NRG2: variants seen among roughly 807,000 people sequenced by gnomAD.
NRG2 encodes the protein pro-neuregulin-2, membrane-bound isoform.
NRG2 carries 27 observed loss-of-function variants against 73.9 expected under a neutral mutation model. That is an observed-to-expected ratio of 0.37 (90% CI 0.27 to 0.50). The LOEUF (loss-of-function observed/expected upper bound fraction) is 0.50. Ranked by LOEUF, NRG2 falls within the 20% of genes least tolerant of loss-of-function variation. The pLI is 0.96. For missense variants in NRG2, 1,126 were observed against 1,210.1 expected, an observed-to-expected ratio of 0.93 and a Z score of 1.03; for synonymous variants, 532 against 541.0, an observed-to-expected ratio of 0.98 and a Z score of 0.23.
chr5:140,010,844 T>A (rs190407786), intron 1 of NRG2, among the ~76,000 whole-genome samples: 25 of 152,318 alleles, frequency 1.6e-4, no homozygotes, highest in Admixed American at 5.2e-4. Context: ...ATCGGACACA[T>A]CCGTGCTCCC....
intron 1 of NRG2, among the ~76,000 whole-genome samples, chr5:139,944,294 A>G (rs1014894608): frequency 1.3e-5 from 2 of 152,162 alleles, no homozygotes; most frequent in Admixed American, 1.3e-4. Context: ...GGTTTTTGAA[A>G]CTATATATTA....
At chr5:139,871,989 G>A in intron 3 of NRG2, 148 bp from the exon 4 acceptor site, 1 of 1,140,558 alleles carries the variant, frequency 8.8e-7, no homozygotes, top group Non-Finnish European at 1.2e-6. Flanking sequence ...GTCCCTTCTA[G>A]TCACAAATAA....
intron 1 of NRG2, among the ~76,000 whole-genome samples, chr5:139,930,874 A>G (rs1234618724): frequency 1.3e-5 from 2 of 152,372 alleles, no homozygotes; most frequent in East Asian, 3.9e-4. Context: ...ACCAGACCCC[A>G]TTCAAAGAAT....
intron 1 of NRG2, among the ~76,000 whole-genome samples, chr5:140,026,984 T>C (rs1347268075): frequency 6.6e-6 from 1 of 152,158 alleles, no homozygotes; most frequent in Non-Finnish European, 1.5e-5. Context: ...GTGGGTCTTT[T>C]TTGTTTTTGT....
intron 1 of NRG2, among the ~76,000 whole-genome samples, chr5:139,993,531 C>T (rs944560463): frequency 6.6e-6 from 1 of 152,132 alleles, no homozygotes; most frequent in African/African-American, 2.4e-5. Flanking sequence ...CTTTATGGAC[C>T]ATCCAATCTA....
At chr5:139,963,481 A>G (rs962489004) in intron 1 of NRG2, among the ~76,000 whole-genome samples, 2 of 152,166 alleles carry the variant, frequency 1.3e-5, no homozygotes, top group African/African-American at 4.8e-5. Context: ...GCTAAGACAT[A>G]TCTCCCTGAG....
chr5:139,873,091 G>A (rs947510864), intron 3 of NRG2, among the ~76,000 whole-genome samples: 3 of 152,184 alleles, frequency 2.0e-5, no homozygotes, highest in Non-Finnish European at 4.4e-5. Context: ...AGACATGTGG[G>A]GAGACGGATG....
At chr5:139,985,666 C>A (rs1324291981) in intron 1 of NRG2, among the ~76,000 whole-genome samples, 1 of 152,178 alleles carries the variant, frequency 6.6e-6, no homozygotes, top group Non-Finnish European at 1.5e-5. Context: ...GTTTACGGAC[C>A]TTTTGAAGCT....
At chr5:139,933,548 G>A (rs919427911) in intron 1 of NRG2, among the ~76,000 whole-genome samples, 13 of 152,046 alleles carry the variant, frequency 8.6e-5, no homozygotes, top group African/African-American at 2.4e-4. Context: ...ATACAGAACA[G>A]TTTAAAATAT....
intron 1 of NRG2, among the ~76,000 whole-genome samples, chr5:139,929,902 A>G (rs1031542002): frequency 1.3e-5 from 2 of 152,198 alleles, no homozygotes; most frequent in Non-Finnish European, 2.9e-5. Context: ...TACCTTGGAG[A>G]AAAAGCAAGA....
chr5:140,032,680 G>A (rs1761241763), intron 1 of NRG2, among the ~76,000 whole-genome samples: 2 of 152,170 alleles, frequency 1.3e-5, no homozygotes, highest in African/African-American at 2.4e-5. Context: ...AACGAGATAA[G>A]ATACTGGCCC....
In NRG2 at chr5:139,938,960, A is replaced by G. The variant is rs375337666; in HGVS notation, c.701-51449T>C. ...AAGAAAGAAAGAAAGAAAGAAAGAA[A>G]AAAGAAGGAAGGAAGGGAAGGAAGG... is the stretch of plus-strand genomic sequence containing the variant. On this transcript the variant is annotated intron_variant, in intron 1 of 9. Coordinates refer to ENST00000361474, the MANE Select transcript of NRG2 (RefSeq NM_004883.3). 1.0e-3 allele frequency among the ~76,000 whole-genome samples: 146 copies of G among 139,474 alleles called. 1 individual carries two copies. The highest frequency in any genetic ancestry group is 3.9e-3 in the African/African-American group (137 of 35,224). The allele number at this position is 139,474 out of a possible 152,430, so 91.5% of individuals were successfully genotyped here. A position where few individuals can be genotyped will look rare whatever the true frequency, so the allele number is the denominator to read the frequency against.
chr5:139,860,463 G>A (rs569452400), intron 5 of NRG2, among the ~76,000 whole-genome samples: 24 of 152,008 alleles, frequency 1.6e-4, no homozygotes, highest in Non-Finnish European at 2.6e-4. Context: ...GCCTGTCCAC[G>A]TACTGGGAGC....
intron 1 of NRG2, among the ~76,000 whole-genome samples, chr5:139,888,578 G>C (rs540821616): frequency 1.3e-5 from 2 of 152,316 alleles, no homozygotes; most frequent in East Asian, 3.9e-4. Flanking sequence ...AACTCAGAGT[G>C]CTGACAATGG....
At chr5:139,893,688 C>T (rs1304552696) in intron 1 of NRG2, among the ~76,000 whole-genome samples, 2 of 148,118 alleles carry the variant, frequency 1.4e-5, no homozygotes, top group Non-Finnish European at 3.0e-5. Context: ...TTGGGGGAAG[C>T]CCAGAGGCTA....
chr5:139,926,016 C>A (rs1464588327), intron 1 of NRG2, among the ~76,000 whole-genome samples: 1 of 152,236 alleles, frequency 6.6e-6, no homozygotes, highest in Non-Finnish European at 1.5e-5. Context: ...CACATGCACC[C>A]AGTAGATGCA....
chr5:140,014,099 A>G (rs763102651), intron 1 of NRG2, among the ~76,000 whole-genome samples: 1 of 151,988 alleles, frequency 6.6e-6, no homozygotes, highest in South Asian at 2.1e-4. Context: ...TCCAGCCCCT[A>G]TCTTACTCTC....
At position 139,904,867 on chromosome 5, in the gene NRG2, G is replaced by T. The variant is rs1399438520; in HGVS notation, c.701-17356C>A. Among the ~76,000 whole-genome samples the T allele has an allele frequency of 4.6e-5, 7 of 152,212 alleles. No homozygotes were observed. Among genetic ancestry groups the T allele is most frequent in the Non-Finnish European group, 8.8e-5 (6 of 68,018 alleles). Reference sequence around the variant, plus strand: ...GCTAGCCAGCCCAGCGGGGTAGCGAGCACCCTTGGCTCTTGCGGTGGGTCT... The same window carrying T: ...GCTAGCCAGCCCAGCGGGGTAGCGATCACCCTTGGCTCTTGCGGTGGGTCT... On this transcript the variant is annotated intron_variant, in intron 1 of 9. Transcript: ENST00000361474. This position sits in a 1 kb window ranked among gnomAD's most constrained non-coding sequence, Gnocchi z 6.0.
intron 1 of NRG2, among the ~76,000 whole-genome samples, chr5:140,039,272 G>A (rs1194829455): frequency 6.6e-6 from 1 of 152,144 alleles, no homozygotes; most frequent in African/African-American, 2.4e-5. Context: ...CTTTTAAAAT[G>A]CAGGACTATT....
Sources: allele counts gnomAD v4.1 joint callset (sites outside exome capture counted in the v4.1 genomes callset), GRCh38; gene constraint gnomAD v4.1.1; non-coding constraint Gnocchi (gnomAD v3.1); transcripts MANE v1.5; gene names NCBI Gene and HGNC (gene_info 2026-07-23, HGNC 2026-07-21).